HIPK2: variants seen among roughly 807,000 people sequenced by gnomAD.
HIPK2 encodes the protein homeodomain-interacting protein kinase 2.
HIPK2 carries 27 observed loss-of-function variants against 113.7 expected under a neutral mutation model. The ratio of observed to expected loss-of-function variants is 0.24; its 90% CI spans 0.17 to 0.33. The LOEUF is 0.33. Ranked by LOEUF, HIPK2 falls within the 10% of genes least tolerant of loss-of-function variation. HIPK2 has a pLI of 1.00. For missense variants in HIPK2, 1,257 were observed against 1,588.0 expected (o/e 0.79, Z 3.54); for synonymous variants, 631 against 642.2 (o/e 0.98, Z 0.26).
intron 1 of HIPK2, among the ~76,000 whole-genome samples, chr7:139,731,418 T>C (rs1795777707): frequency 6.6e-6 from 1 of 152,242 alleles, no homozygotes; most frequent in African/African-American, 2.4e-5. Flanking sequence ...AAGGAAGGCA[T>C]CTAAAGTTCG....
At chr7:139,663,460 C>T (rs1211658276) in intron 2 of HIPK2, among the ~76,000 whole-genome samples, 5 of 152,110 alleles carry the variant, frequency 3.3e-5, no homozygotes, top group African/African-American at 4.8e-5. Flanking sequence ...TCCTGACGTT[C>T]GGATATGACA....
intron 2 of HIPK2, among the ~76,000 whole-genome samples, chr7:139,701,983 A>G (rs1326162374): frequency 5.3e-5 from 8 of 152,178 alleles, no homozygotes; most frequent in Non-Finnish European, 1.0e-4. Flanking sequence ...TTCGAATCCC[A>G]GAGCTTCTAA....
intron 2 of HIPK2, among the ~76,000 whole-genome samples, chr7:139,708,734 G>A (rs1569478422): frequency 6.6e-6 from 1 of 152,200 alleles, no homozygotes; most frequent in African/African-American, 2.4e-5. Context: ...GTCCAAGCAT[G>A]CTTGCTGCGT....
At chr7:139,575,358 A>T (rs1320310396) in intron 13 of HIPK2, 70 bp from the exon 14 acceptor site, 18 of 1,478,254 alleles carry the variant, frequency 1.2e-5, no homozygotes. Context: ...CTACCCCACC[A>T]GAGAACAGTG....
chr7:139,710,216 G>A (rs75969853), intron 2 of HIPK2, among the ~76,000 whole-genome samples: 17 of 152,222 alleles, frequency 1.1e-4, no homozygotes, highest in African/African-American at 4.1e-4. Context: ...ACTCTCTATT[G>A]TCAGGCTTCA....
intron 2 of HIPK2, among the ~76,000 whole-genome samples, chr7:139,637,438 C>T (rs78548018): frequency 0.03 from 4,544 of 152,324 alleles, 223 homozygotes; most frequent in African/African-American, 0.1. Context: ...GTACCTGGAG[C>T]TCCTTTGGAG....
At chr7:139,754,113 C>T (rs1796326491) in intron 1 of HIPK2, among the ~76,000 whole-genome samples, 1 of 152,198 alleles carries the variant, frequency 6.6e-6, no homozygotes, top group Non-Finnish European at 1.5e-5. Flanking sequence ...GACAGTCCTG[C>T]TTCTTTCCAA....
At chr7:139,655,105 C>T (rs73156875) in intron 2 of HIPK2, among the ~76,000 whole-genome samples, 8,851 of 152,092 alleles carry the variant, frequency 0.058, 327 homozygotes, top group African/African-American at 0.11. Context: ...AGAAAGTGTC[C>T]CTAGGAATTA....
chr7:139,744,891 A>G (rs1444112914), intron 1 of HIPK2, among the ~76,000 whole-genome samples: 2 of 152,216 alleles, frequency 1.3e-5, no homozygotes, highest in Non-Finnish European at 2.9e-5. Flanking sequence ...TCCCTGGACA[A>G]AGGATCACTG....
chr7:139,747,574 A>C (rs979346055), intron 1 of HIPK2, among the ~76,000 whole-genome samples: 2 of 152,232 alleles, frequency 1.3e-5, no homozygotes, highest in African/African-American at 4.8e-5. Flanking sequence ...AAAGCCTCAC[A>C]TTAAGCATCT....
chr7:139,597,048 A>G, intron 11 of HIPK2, 50 bp from the exon 12 acceptor site: 1 of 1,536,390 alleles, frequency 6.5e-7, no homozygotes. Flanking sequence ...AGGCCCCACA[A>G]CTCCTTCGAA....
chr7:139,626,004 C>T (rs1180766692), intron 6 of HIPK2, among the ~76,000 whole-genome samples: 5 of 152,192 alleles, frequency 3.3e-5, no homozygotes, highest in African/African-American at 1.2e-4. Context: ...GAGTCAGGTT[C>T]ATCCAGCTCT....
chr7:139,663,679 G>C (rs1443767302), intron 2 of HIPK2, among the ~76,000 whole-genome samples: 2 of 152,188 alleles, frequency 1.3e-5, no homozygotes, highest in African/African-American at 4.8e-5. Context: ...GGTAAAACAG[G>C]CTTTTGAGAC....
chr7:139,669,836 G>C (rs1025070045), intron 2 of HIPK2, among the ~76,000 whole-genome samples: 4 of 152,132 alleles, frequency 2.6e-5, no homozygotes, highest in African/African-American at 9.7e-5. Flanking sequence ...AATATAAAGA[G>C]CTATTGATGG....
chr7:139,737,928 C>T (rs1317806333), intron 1 of HIPK2, among the ~76,000 whole-genome samples: 1 of 152,210 alleles, frequency 6.6e-6, no homozygotes, highest in African/African-American at 2.4e-5. Flanking sequence ...GTTATTCAAC[C>T]AGTGACAAAA....
Position 139,573,113 on chromosome 7 carries a change from T to C in HIPK2, c.3411A>G (p.Pro1137=). 3 of 1,611,724 alleles carry C rather than the reference T, an allele frequency of 1.9e-6. No individual in the cohort carries two copies. Among genetic ancestry groups the C allele is most frequent in the African/African-American group, 1.3e-5 (1 of 74,944 alleles). The change falls in exon 15 of 15, where the codon CCA becomes CCG. Residue 1137 remains proline (P), a synonymous_variant. Coordinates refer to ENST00000406875, the MANE Select transcript of HIPK2 (RefSeq NM_022740.5). ...ARHTVQHTAY[P]ASIVHQVPVS... ...CGGGGACCTGGTGGACGATGCTGGC[T>C]GGGTAGGCAGTGTGCTGCACGGTGT...
intron 1 of HIPK2, among the ~76,000 whole-genome samples, chr7:139,729,147 A>C (rs932879633): frequency 6.6e-6 from 1 of 152,046 alleles, no homozygotes; most frequent in Non-Finnish European, 1.5e-5. Context: ...AACATGGTGA[A>C]ATCCTGTCTC....
intron 7 of HIPK2, among the ~76,000 whole-genome samples, chr7:139,616,615 T>G (rs920429344): frequency 1.3e-5 from 2 of 152,250 alleles, no homozygotes; most frequent in East Asian, 1.9e-4. Context: ...GGGTCCCACA[T>G]GCCCCATTGT....
chr7:139,749,606 G>C (rs1036488482), intron 1 of HIPK2, among the ~76,000 whole-genome samples: 5 of 152,170 alleles, frequency 3.3e-5, no homozygotes, highest in African/African-American at 4.8e-5. Flanking sequence ...ACGTGTTCAC[G>C]GCAGCTCCCA....
Sources: gnomAD v4.1 joint callset for allele counts (sites outside exome capture counted in the v4.1 genomes callset) on GRCh38, gnomAD v4.1.1 for gene constraint, MANE v1.5 for transcripts, NCBI Gene and HGNC (gene_info 2026-07-23, HGNC 2026-07-21) for gene names.